The following SPTBN2 variants were observed in gnomAD, a reference collection of about 807,000 sequenced individuals.
The protein encoded by SPTBN2 is spectrin beta, non-erythrocytic 2, also known as spectrin beta chain, non-erythrocytic 2.
SPTBN2 carries 107 observed loss-of-function variants against 284.2 expected under a neutral mutation model. The ratio of observed to expected loss-of-function variants is 0.38; its 90% CI spans 0.32 to 0.44. SPTBN2 has a LOEUF of 0.44. Ranked by LOEUF, SPTBN2 falls within the 20% of genes least tolerant of loss-of-function variation. The probability of loss-of-function intolerance (pLI) is 1.00; values close to 1 mark genes in which losing one functional copy is unlikely to be tolerated. For synonymous variants in SPTBN2, 1,289 were observed against 1,354.8 expected, an observed-to-expected ratio of 0.95 and a Z score of 1.07; for missense variants, 2,569 against 3,287.1, an observed-to-expected ratio of 0.78 and a Z score of 5.34.
chr11:66,712,522 G>A (rs1383290851), intron 8 of SPTBN2, among the ~76,000 whole-genome samples: 2 of 151,376 alleles, frequency 1.3e-5, no homozygotes, highest in African/African-American at 4.9e-5. Flanking sequence ...ACTCCAGTCT[G>A]GGCAACAGAG....
chr11:66,708,883 C>T lies in SPTBN2; in HGVS notation c.1191+19G>A, dbSNP rs1440599325. ...CAGGGCCTGCCCTGAGGGTGGGTGG[C>T]CTGTGGGCAGCCACGGACCTTGTTG... On this transcript the variant is annotated intron_variant, in intron 11 of 37. Coordinates refer to ENST00000533211, the MANE Select transcript of SPTBN2 (RefSeq NM_006946.4). This position sits in a 1 kb window ranked among gnomAD's most constrained non-coding sequence, Gnocchi z 4.4. 1.2e-6 allele frequency: 2 copies of T among 1,607,688 alleles called. No individual in the cohort carries two copies. Among genetic ancestry groups the T allele is most frequent in the Admixed American group, 1.7e-5 (1 of 60,008 alleles).
At chr11:66,739,464 A>C (rs1942879964) in intron 1 of SPTBN2, among the ~76,000 whole-genome samples, 1 of 152,252 alleles carries the variant, frequency 6.6e-6, no homozygotes, top group African/African-American at 2.4e-5. Flanking sequence ...AGTTAAAATA[A>C]TGTCTATGAA....
intron 37 of SPTBN2, 90 bp downstream of exon 37, chr11:66,686,308 A>C: frequency 6.4e-7 from 1 of 1,561,664 alleles, no homozygotes. Flanking sequence ...CAAGACCAGG[A>C]AAAAGAGGGA....
Position 66,700,492 on chromosome 11 carries a change from T to A in SPTBN2, c.3573+34A>T. On this transcript the variant is annotated intron_variant, in intron 17 of 37. Transcript: ENST00000533211. The surrounding 1 kb of genome is among the most constrained non-coding windows in gnomAD (Gnocchi z 6.6). ...TTTCCCCGGGTCCCTACTTTGCTCT[T>A]CCTCCTGCTTGGGACTTTGCCCTGG... 1 of 1,600,028 alleles carries A rather than the reference T, an allele frequency of 6.2e-7. No homozygotes were observed. The highest frequency in any genetic ancestry group is 2.2e-5 in the East Asian group (1 of 44,868).
At chr11:66,701,383 C>T in intron 16 of SPTBN2, 101 bp from the exon 17 acceptor site, 1 of 1,546,394 alleles carries the variant, frequency 6.5e-7, no homozygotes, top group Non-Finnish European at 8.7e-7. Flanking sequence ...TCACTCCTCC[C>T]TTTCTGGCCA....
chr11:66,687,604 C>T lies in SPTBN2; in HGVS notation c.6545G>A (p.Arg2182Lys), dbSNP rs1473161078. The change falls in exon 35 of 38, where the codon AGG becomes AAG. Residue 2182 changes from arginine (R) to lysine (K), a missense_variant. Physicochemically the swap from Arg to Lys is conservative, Grantham distance 26. This residue lies in a region of SPTBN2 where 1,130 missense variants were observed against 1,317.3 expected (regional missense o/e 0.86). Transcript: ENST00000533211. The surrounding 1 kb of genome is among the most constrained non-coding windows in gnomAD (Gnocchi z 5.2). The part of the protein sequence containing the change: ...GDEANGPRGE[R>K]QTRTRGPAPS... ...GGCCGGGCCCCGAGTCCGGGTCTGC[C>T]TCTCTCCCCGGGGCCCATTGGCTTC... The T allele has an allele frequency of 1.2e-6, 2 of 1,608,264 alleles. No individual in the cohort carries two copies. Among genetic ancestry groups the T allele is most frequent in the African/African-American group, 1.3e-5 (1 of 74,858 alleles).
In SPTBN2 at chr11:66,698,744, G is replaced by A. The variant is rs771156020; in HGVS notation, c.3909C>T (p.Asp1303=). Residue 1303 remains aspartate (D), a synonymous_variant, in exon 20 of 38, where the codon GAC becomes GAT. Transcript: ENST00000533211. The part of the protein sequence containing the change: ...WIDEKMLTAQ[D]VSYDEARNLH... ...GGTTGCGGGCCTCGTCATAGGACAC[G>A]TCCTGGGCTGTCAGCATCTTCTCGT... is the stretch of plus-strand genomic sequence containing the variant. The A allele has an allele frequency of 1.1e-5, 18 of 1,614,034 alleles. No individual in the cohort carries two copies. The highest frequency in any genetic ancestry group is 8.8e-5 in the South Asian group (8 of 91,090).
At chr11:66,720,451 C>T (rs1942342897) in intron 3 of SPTBN2, among the ~76,000 whole-genome samples, 1 of 152,150 alleles carries the variant, frequency 6.6e-6, no homozygotes, top group African/African-American at 2.4e-5. Flanking sequence ...GACAGGGAGG[C>T]CGTTGGACGA....
chr11:66,687,954 G>C lies in SPTBN2; in HGVS notation c.6451-36C>G, dbSNP rs1940255626. The C allele has an allele frequency of 1.2e-6, 2 of 1,614,078 alleles. No homozygotes were observed. Among genetic ancestry groups the C allele is most frequent in the Admixed American group, 1.7e-5 (1 of 60,002 alleles). Reference sequence around the variant, plus strand: ...AAGAATCTGTAAAAGGATGTGCGGGGGTGGAGGGGCTACGACTCCGATGGG... The same window carrying C: ...AAGAATCTGTAAAAGGATGTGCGGGCGTGGAGGGGCTACGACTCCGATGGG... On this transcript the variant is annotated intron_variant, in intron 33 of 37. Coordinates refer to ENST00000533211, the MANE Select transcript of SPTBN2 (RefSeq NM_006946.4). This position sits in a 1 kb window ranked among gnomAD's most constrained non-coding sequence, Gnocchi z 5.2.
At chr11:66,719,308 C>T (rs573872999) in intron 3 of SPTBN2, among the ~76,000 whole-genome samples, 19 of 152,372 alleles carry the variant, frequency 1.2e-4, no homozygotes, top group Non-Finnish European at 1.9e-4. Flanking sequence ...CCAGGGCCAT[C>T]CTCCACCAGG....
intron 1 of SPTBN2, among the ~76,000 whole-genome samples, chr11:66,738,910 C>G (rs1453022552): frequency 1.3e-5 from 2 of 152,142 alleles, no homozygotes; most frequent in Admixed American, 1.3e-4. Context: ...TTCCCAGATT[C>G]AAGCAATCCT....
intron 3 of SPTBN2, among the ~76,000 whole-genome samples, chr11:66,719,698 G>A (rs1000153610): frequency 2.0e-5 from 3 of 152,088 alleles, no homozygotes; most frequent in African/African-American, 7.2e-5. Context: ...ATGTACACAG[G>A]CATGGTGACA....
chr11:66,698,594 C>A (rs553527137), intron 20 of SPTBN2, 45 bp downstream of exon 20: 1 of 1,613,472 alleles, frequency 6.2e-7, no homozygotes, highest in African/African-American at 1.3e-5. Context: ...CTCCCCCGTA[C>A]CATGGGGGAC....
intron 3 of SPTBN2, among the ~76,000 whole-genome samples, chr11:66,720,314 G>A (rs1942336440): frequency 6.6e-6 from 1 of 152,212 alleles, no homozygotes; most frequent in African/African-American, 2.4e-5. Context: ...GACAAGAGTG[G>A]GATGGAGGAG....
chr11:66,717,840 A>C (rs1276657188), intron 3 of SPTBN2, among the ~76,000 whole-genome samples: 2 of 152,086 alleles, frequency 1.3e-5, no homozygotes, highest in African/African-American at 2.4e-5. Flanking sequence ...CACACACACA[A>C]CAGTGATTCC....
chr11:66,699,602 C>T lies in SPTBN2; in HGVS notation c.3580G>A (p.Val1194Ile). Residue 1194 changes from valine (V) to isoleucine (I), a missense_variant, in exon 18 of 38, where the codon GTT becomes ATT. Physicochemically the swap from Val to Ile is conservative, Grantham distance 29. Transcript: ENST00000533211. The part of the protein sequence containing the change: ...AEGVLSSQEY[V>I]LSHTEMPGTL... The stretch of plus-strand genomic sequence containing the variant: ...CCTGGCATCTCCGTGTGAGACAGAA[C>T]ATATTCCTGTGTGGGAGGGATGACA... 1 of 1,614,046 alleles carries T rather than the reference C, an allele frequency of 6.2e-7. No homozygotes were observed. The highest frequency in any genetic ancestry group is 8.5e-7 in the Non-Finnish European group (1 of 1,180,008).
At chr11:66,714,267 GC>G in intron 6 of SPTBN2, 48 bp downstream of exon 6, 1 of 1,605,590 alleles carries the variant, frequency 6.2e-7, no homozygotes, top group South Asian at 1.1e-5. Context: ...GCCCAGCACA[GC>G]CTGGGGGTCA....
chr11:66,705,230 C>T lies in SPTBN2; in HGVS notation c.2046G>A (p.Lys682=). Residue 682 remains lysine (K), a synonymous_variant, in exon 15 of 38, where the codon AAG becomes AAA. Transcript: ENST00000533211. ...DLTGALRLLN[K]HTALRGEMSG... ...TCATCTCGCCCCGCAGGGCTGTGTG[C>T]TTGTTGAGCAGGCGGAGGGCACCGG... is the stretch of plus-strand genomic sequence containing the variant. The T allele has an allele frequency of 1.9e-6, 3 of 1,556,364 alleles. No homozygotes were observed. Among genetic ancestry groups the T allele is most frequent in the Non-Finnish European group, 2.6e-6 (3 of 1,156,468 alleles).
chr11:66,709,318 C>G (rs913437932), intron 10 of SPTBN2, among the ~76,000 whole-genome samples: 1 of 152,132 alleles, frequency 6.6e-6, no homozygotes, highest in Non-Finnish European at 1.5e-5. Flanking sequence ...GCTGGGATTA[C>G]AGGCATGCAC....
Sources: gnomAD v4.1 joint callset for allele counts (sites outside exome capture counted in the v4.1 genomes callset) on GRCh38, gnomAD v4.1.1 for gene constraint, gnomAD v4.1.1 regional missense constraint, Gnocchi (gnomAD v3.1) non-coding constraint, MANE v1.5 for transcripts, NCBI Gene and HGNC (gene_info 2026-07-23, HGNC 2026-07-21) for gene names.